The following CCSER1 variants were observed in gnomAD, a reference collection of about 807,000 sequenced individuals.
The protein encoded by CCSER1 is serine-rich coiled-coil domain-containing protein 1.
Under a neutral mutation model 82.0 loss-of-function variants are expected in CCSER1, and 41 were observed. The ratio of observed to expected loss-of-function variants is 0.50; its 90% CI spans 0.39 to 0.65. The LOEUF is 0.65. Ranked by LOEUF, CCSER1 falls within the 30% of genes least tolerant of loss-of-function variation. The pLI, the probability that CCSER1 is intolerant of heterozygous loss-of-function variation, is 0.00. For missense variants in CCSER1, 1,119 were observed against 1,064.2 expected, an observed-to-expected ratio of 1.05 and a Z score of -0.72; for synonymous variants, 414 against 383.9, an observed-to-expected ratio of 1.08 and a Z score of -0.92.
intron 1 of CCSER1, among the ~76,000 whole-genome samples, chr4:90,134,113 G>T (rs1398973197): frequency 6.6e-6 from 1 of 152,172 alleles, no homozygotes; most frequent in Non-Finnish European, 1.5e-5. Flanking sequence ...GTTATGTCAT[G>T]TCATTCTAAC....
At chr4:91,320,616 G>T (rs949607991) in intron 10 of CCSER1, among the ~76,000 whole-genome samples, 2 of 152,058 alleles carry the variant, frequency 1.3e-5, no homozygotes, top group African/African-American at 4.8e-5. Context: ...GAGAAGACTG[G>T]TTTTTGTTTC....
At chr4:90,948,961 GTTA>G (rs1248708753) in intron 9 of CCSER1, among the ~76,000 whole-genome samples, 1 of 151,988 alleles carries the variant, frequency 6.6e-6, no homozygotes, top group Non-Finnish European at 1.5e-5. Flanking sequence ...ACTTTTTAAT[GTTA>G]TTATAATTAG....
At chr4:90,816,395 C>A (rs891128879) in intron 8 of CCSER1, among the ~76,000 whole-genome samples, 2 of 151,766 alleles carry the variant, frequency 1.3e-5, no homozygotes, top group Non-Finnish European at 2.9e-5. Context: ...AATGTAATAT[C>A]ATGAAAGAAA....
At chr4:90,380,274 A>G (rs1903576) in intron 3 of CCSER1, among the ~76,000 whole-genome samples, 55,491 of 152,012 alleles carry the variant, frequency 0.37, 10,661 homozygotes, top group African/African-American at 0.47. Context: ...TGATGTGGCT[A>G]AAGTGAGAAA....
chr4:90,590,449 G>A (rs746602783), intron 5 of CCSER1, among the ~76,000 whole-genome samples: 5 of 151,920 alleles, frequency 3.3e-5, no homozygotes, highest in South Asian at 2.1e-4. Flanking sequence ...GTGTGGTGGC[G>A]TGCACCTGTA....
intron 9 of CCSER1, among the ~76,000 whole-genome samples, chr4:91,056,307 A>T (rs1021117632): frequency 2.8e-5 from 4 of 140,728 alleles, no homozygotes; most frequent in Non-Finnish European, 4.4e-5. Context: ...GGTAATTTAT[A>T]AAAAAAAAGA....
At position 91,598,779 on chromosome 4, in the gene CCSER1, A is replaced by T; in HGVS notation, c.2425A>T (p.Thr809Ser). ...AGAAGTTATCAAACATTCAAGAGGA[A>T]CTTATGAAACCCTCACTTCAGACGT... ...LAEVIKHSRGTYETLTSDVTQ... is the reference protein window; with the variant it reads ...LAEVIKHSRGSYETLTSDVTQ... Residue 809 changes from threonine to serine, a missense_variant, in exon 11 of 11, where the codon ACT (threonine) becomes TCT (serine). Transcript: ENST00000509176. 5.2e-6 allele frequency: 8 copies of T among 1,551,656 alleles called. No individual in the cohort carries two copies. Among genetic ancestry groups the T allele is most frequent in the Non-Finnish European group, 7.0e-6 (8 of 1,146,932 alleles).
At chr4:90,322,249 T>C (rs572558043) in intron 3 of CCSER1, among the ~76,000 whole-genome samples, 1 of 152,318 alleles carries the variant, frequency 6.6e-6, no homozygotes, top group East Asian at 1.9e-4. Context: ...CTTTCCTCCA[T>C]GTATGTTATT....
rs553256876 is a variant in CCSER1 at position 90,348,617 on chromosome 4, A to G, written c.1509+35570A>G. Among the ~76,000 whole-genome samples the G allele has an allele frequency of 1.3e-4, 20 of 152,290 alleles. No homozygotes were observed. The South Asian group carries it at 3.1e-3, about 24-fold the overall frequency. On this transcript the variant is annotated intron_variant, in intron 3 of 10. Coordinates refer to ENST00000509176, the MANE Select transcript of CCSER1 (RefSeq NM_001145065.2). ...TAAAAATTACTCAGTATATTAAGAC[A>G]ATTGTTCATTTGATTATTTTAATTA...
At chr4:91,461,337 T>C (rs776240038) in intron 10 of CCSER1, among the ~76,000 whole-genome samples, 15 of 152,204 alleles carry the variant, frequency 9.9e-5, no homozygotes, top group Non-Finnish European at 1.8e-4. Context: ...ATATTACTGA[T>C]TGAATTCCAT....
chr4:91,088,563 G>A (rs944482878), intron 10 of CCSER1, among the ~76,000 whole-genome samples: 6 of 152,106 alleles, frequency 3.9e-5, no homozygotes, highest in African/African-American at 9.7e-5. Context: ...CACCTAAATT[G>A]CTAAATTGTG....
chr4:91,514,159 T>A (rs1397737326), intron 10 of CCSER1, among the ~76,000 whole-genome samples: 3 of 152,340 alleles, frequency 2.0e-5, no homozygotes, highest in African/African-American at 7.2e-5. Flanking sequence ...GTTGTATCTC[T>A]GTTTTCACTT....
At chr4:91,413,452 C>T (rs1247676414) in intron 10 of CCSER1, among the ~76,000 whole-genome samples, 1 of 150,962 alleles carries the variant, frequency 6.6e-6, no homozygotes, top group African/African-American at 2.4e-5. Flanking sequence ...AGAGTGAGAC[C>T]ATGTCTCTCA....
At chr4:91,450,655 T>C (rs1755821048) in intron 10 of CCSER1, among the ~76,000 whole-genome samples, 1 of 151,824 alleles carries the variant, frequency 6.6e-6, no homozygotes, top group African/African-American at 2.4e-5. Flanking sequence ...AGACAGAGTA[T>C]TTGGGGAGTT....
At chr4:90,784,753 T>C (rs921419449) in intron 7 of CCSER1, among the ~76,000 whole-genome samples, 1 of 152,170 alleles carries the variant, frequency 6.6e-6, no homozygotes, top group Non-Finnish European at 1.5e-5. Context: ...CTACTAACAG[T>C]CTACTGTTGA....
chr4:91,178,743 G>T (rs1733675641), intron 10 of CCSER1, among the ~76,000 whole-genome samples: 1 of 152,058 alleles, frequency 6.6e-6, no homozygotes, highest in Admixed American at 6.6e-5. Context: ...TCACTGATGG[G>T]TCTTGACTCT....
intron 10 of CCSER1, among the ~76,000 whole-genome samples, chr4:91,185,750 T>C (rs1331056639): frequency 6.6e-6 from 1 of 152,230 alleles, no homozygotes; most frequent in Non-Finnish European, 1.5e-5. Flanking sequence ...TTCCCCTATC[T>C]GGCGGCCTGA....
Position 91,599,087 on chromosome 4 carries a change from G to C in CCSER1, c.*30G>C, listed in dbSNP as rs1343595143. The C allele has an allele frequency of 6.7e-7, 1 of 1,489,438 alleles. No individual in the cohort carries two copies. The highest frequency in any genetic ancestry group is 2.4e-5 in the Admixed American group (1 of 41,926). 92.3% of individuals were successfully genotyped at this position (1,489,438 alleles called of 1,614,324 possible). On this transcript the variant is annotated 3_prime_UTR_variant, in exon 11 of 11. Transcript: ENST00000509176. Reference sequence around the variant, plus strand: ...ATCACCGTATTCCTGTCTTTGGGTAGGATAAAGATGGTTAGTGTTTCTCGT... The same window carrying C: ...ATCACCGTATTCCTGTCTTTGGGTACGATAAAGATGGTTAGTGTTTCTCGT...
At chr4:90,253,602 A>C (rs72877752) in intron 1 of CCSER1, among the ~76,000 whole-genome samples, 6,812 of 152,020 alleles carry the variant, frequency 0.045, 393 homozygotes, top group African/African-American at 0.13. Flanking sequence ...TTTTCTCTTG[A>C]TGCTTTCAAG....
Sources: allele counts gnomAD v4.1 joint callset (sites outside exome capture counted in the v4.1 genomes callset), GRCh38; gene constraint gnomAD v4.1.1; transcripts MANE v1.5; gene names NCBI Gene and HGNC (gene_info 2026-07-23, HGNC 2026-07-21).